Variants in CSMD2 observed in about 807,000 individuals in gnomAD.
The protein encoded by CSMD2 is CUB and sushi domain-containing protein 2.
In CSMD2, 130 loss-of-function variants were observed where a neutral mutation model predicts 398.5. The observed-to-expected ratio is 0.33, with a 90% CI of 0.28 to 0.38. CSMD2 has a LOEUF of 0.38. Ranked by LOEUF, CSMD2 falls within the 10% of genes least tolerant of loss-of-function variation. The pLI, the probability that CSMD2 is intolerant of heterozygous loss-of-function variation, is 1.00. For missense variants in CSMD2, 3,829 were observed against 4,764.9 expected, an observed-to-expected ratio of 0.80 and a Z score of 5.78; for synonymous variants, 1,828 against 1,908.5, an observed-to-expected ratio of 0.96 and a Z score of 1.10.
intron 1 of CSMD2, among the ~76,000 whole-genome samples, chr1:34,111,974 C>A (rs1425517770): frequency 1.3e-5 from 2 of 149,482 alleles, no homozygotes; most frequent in Admixed American, 6.7e-5. Flanking sequence ...TCAATAAATT[C>A]TTTCAAATTC....
intron 5 of CSMD2, chr1:33,885,531 C>T (rs1175614112): frequency 6.6e-6 from 1 of 152,094 alleles, no homozygotes; most frequent in Non-Finnish European, 1.5e-5. Flanking sequence ...CGCAGGGGTC[C>T]CTCCTGGGAA....
intron 25 of CSMD2, among the ~76,000 whole-genome samples, chr1:33,668,507 T>C (rs2149018643): frequency 6.6e-6 from 1 of 152,262 alleles, no homozygotes; most frequent in African/African-American, 2.4e-5. Flanking sequence ...TGAATACTTA[T>C]CTTATAGAAA....
intron 1 of CSMD2, among the ~76,000 whole-genome samples, chr1:34,131,983 C>T (rs961379455): frequency 6.6e-6 from 1 of 152,076 alleles, no homozygotes; most frequent in Non-Finnish European, 1.5e-5. Flanking sequence ...AGAGGGATTC[C>T]AACCTCTCAT....
intron 25 of CSMD2, among the ~76,000 whole-genome samples, chr1:33,677,037 G>C (rs926508738): frequency 1.3e-5 from 2 of 152,170 alleles, no homozygotes; most frequent in Non-Finnish European, 2.9e-5. Flanking sequence ...TACCATGCAG[G>C]ACATAGGCAT....
rs188553157 is a variant in CSMD2 at position 33,690,708 on chromosome 1, T to C, written c.4052+2222A>G. The stretch of plus-strand genomic sequence containing the variant: ...ACCACTAGTCACCGAGGAACTATCA[T>C]AGATCCACTAGGCATATAACTACCT... On this transcript the variant is annotated intron_variant, in intron 25 of 70. Coordinates refer to ENST00000373381, the MANE Select transcript of CSMD2 (RefSeq NM_001281956.2). 2.0e-3 allele frequency among the ~76,000 whole-genome samples: 308 copies of C among 152,330 alleles called. 2 individuals carry two copies. The highest frequency in any genetic ancestry group is 7.0e-3 in the African/African-American group (292 of 41,588).
At chr1:33,627,798 C>T (rs1342135998) in intron 32 of CSMD2, among the ~76,000 whole-genome samples, 1 of 152,212 alleles carries the variant, frequency 6.6e-6, no homozygotes, top group Non-Finnish European at 1.5e-5. Flanking sequence ...CTGCCATCTC[C>T]AACTCCTCCT....
intron 4 of CSMD2, among the ~76,000 whole-genome samples, chr1:33,923,462 T>A (rs757316128): frequency 2.0e-5 from 3 of 152,082 alleles, no homozygotes; most frequent in Non-Finnish European, 4.4e-5. Flanking sequence ...ATGCCATGCC[T>A]CCTGTACAGC....
chr1:33,584,695 A>G (rs974651602), intron 46 of CSMD2, among the ~76,000 whole-genome samples: 1 of 150,124 alleles, frequency 6.7e-6, no homozygotes, highest in African/African-American at 2.4e-5. Context: ...ACATATATGT[A>G]TATATATATA....
intron 56 of CSMD2, among the ~76,000 whole-genome samples, chr1:33,546,620 G>C (rs570439808): frequency 8.8e-4 from 134 of 152,080 alleles, no homozygotes; most frequent in African/African-American, 3.1e-3. Context: ...ACATTCTTTT[G>C]CCTGAACTCT....
chr1:33,793,387 G>T (rs899889408), intron 10 of CSMD2, among the ~76,000 whole-genome samples: 1 of 152,290 alleles, frequency 6.6e-6, no homozygotes, highest in Middle Eastern at 3.4e-3. Context: ...CTATGGCAGA[G>T]ATGGAACATT....
chr1:33,629,742 G>GT (rs1480918757), intron 32 of CSMD2, among the ~76,000 whole-genome samples: 5 of 138,132 alleles, frequency 3.6e-5, no homozygotes, highest in Non-Finnish European at 6.5e-5. Context: ...GATATCTACA[G>GT]GTTTTTTTTT....
At chr1:34,065,491 C>A (rs568806459) in intron 2 of CSMD2, among the ~76,000 whole-genome samples, 2 of 152,156 alleles carry the variant, frequency 1.3e-5, no homozygotes, top group Non-Finnish European at 2.9e-5. Context: ...GTACCACCAG[C>A]CCTAAGCAGG....
In CSMD2 at chr1:33,537,466, T is replaced by C; in HGVS notation, c.9775A>G (p.Thr3259Ala). 1.2e-6 allele frequency: 2 copies of C among 1,613,818 alleles called. No homozygotes were observed. Among genetic ancestry groups the C allele is most frequent in the East Asian group, 4.5e-5 (2 of 44,880 alleles). Residue 3259 changes from threonine (T) to alanine (A), a missense_variant, in exon 61 of 71, where the codon ACA (threonine) becomes GCA (alanine). Coordinates refer to ENST00000373381, the MANE Select transcript of CSMD2 (RefSeq NM_001281956.2). This position sits in a 1 kb window ranked among gnomAD's most constrained non-coding sequence, Gnocchi z 4.6. ...CAGCTGGGCTGGGTGCCACTCCATG[T>C]CCCATCTGACTGGCAAAACCTGCGT... ...SPRRFCQSDG[T>A]WSGTQPSCID...
chr1:33,578,386 T>C (rs55773316), intron 48 of CSMD2, among the ~76,000 whole-genome samples: 21,035 of 152,060 alleles, frequency 0.14, 1,858 homozygotes, highest in East Asian at 0.28. Flanking sequence ...AAGACCAACC[T>C]GGCCAAAATG....
intron 21 of CSMD2, 131 bp from the exon 22 acceptor site, chr1:33,709,389 C>A: frequency 1.4e-6 from 1 of 715,018 alleles, no homozygotes; most frequent in Non-Finnish European, 2.3e-6. Context: ...GCCTGCGTGT[C>A]TGTCCAGTTG....
chr1:33,550,310 C>T lies in CSMD2; in HGVS notation c.8784G>A (p.Gln2928=). The change falls in exon 56 of 71, where the codon CAG becomes CAA. Residue 2928 remains glutamine (Q), a synonymous_variant. Coordinates refer to ENST00000373381, the MANE Select transcript of CSMD2 (RefSeq NM_001281956.2). ...CCACAGTATAACTGTCTCCAGACAT[C>T]TGGGAGTGAGGCGGGGAGCCCGGAT... is the stretch of plus-strand genomic sequence containing the variant. ...CGHPGSPPHS[Q]MSGDSYTVGA... 2 of 1,614,178 alleles carry T rather than the reference C, an allele frequency of 1.2e-6. No homozygotes were observed. Among genetic ancestry groups the T allele is most frequent in the Non-Finnish European group, 1.7e-6 (2 of 1,180,008 alleles).
At chr1:33,694,604 C>T (rs557113632) in intron 24 of CSMD2, among the ~76,000 whole-genome samples, 1 of 152,256 alleles carries the variant, frequency 6.6e-6, no homozygotes, top group Non-Finnish European at 1.5e-5. Flanking sequence ...TGCCTGCTTC[C>T]CCTTCCGCCA....
At chr1:33,765,897 C>T (rs1420115366) in intron 13 of CSMD2, among the ~76,000 whole-genome samples, 1 of 152,360 alleles carries the variant, frequency 6.6e-6, no homozygotes, top group Non-Finnish European at 1.5e-5. Context: ...ACAGCAAATG[C>T]CCCATGTCCC....
chr1:33,585,649 C>T (rs1284258903), intron 46 of CSMD2, among the ~76,000 whole-genome samples: 2 of 152,186 alleles, frequency 1.3e-5, no homozygotes, highest in East Asian at 1.9e-4. Flanking sequence ...TCTCAGGCCT[C>T]GTGGTCCTCT....
Sources: gnomAD v4.1 joint callset for allele counts (sites outside exome capture counted in the v4.1 genomes callset) on GRCh38, gnomAD v4.1.1 for gene constraint, Gnocchi (gnomAD v3.1) non-coding constraint, MANE v1.5 for transcripts, NCBI Gene and HGNC (gene_info 2026-07-23, HGNC 2026-07-21) for gene names.